The following CAPSL variants were observed in gnomAD, a reference collection of about 807,000 sequenced individuals.
CAPSL encodes the protein calcyphosine like, also known as calcyphosin-like protein.
CAPSL carries 17 observed loss-of-function variants against 21.3 expected under a neutral mutation model. That is an observed-to-expected ratio of 0.80 (90% confidence interval 0.55 to 1.20). CAPSL has a LOEUF of 1.20. CAPSL is among the 50% of genes most tolerant of loss of function. CAPSL has a pLI of 0.00. For missense variants in CAPSL, 289 were observed against 259.3 expected (o/e 1.11, Z -0.79); for synonymous variants, 102 against 89.3 (o/e 1.14, Z -0.80).
chr5:35,908,429 A>C (rs912428983), intron 4 of CAPSL, among the ~76,000 whole-genome samples: 4 of 152,224 alleles, frequency 2.6e-5, no homozygotes, highest in African/African-American at 9.6e-5. Context: ...CTTAAGATAA[A>C]TATCAAAAGG....
chr5:35,906,681 T>A (rs902505378), intron 4 of CAPSL, among the ~76,000 whole-genome samples: 1 of 152,214 alleles, frequency 6.6e-6, no homozygotes, highest in Non-Finnish European at 1.5e-5. Context: ...GATTTCCTAT[T>A]TCTTGCAATT....
In CAPSL at chr5:35,926,750, C is replaced by G. The variant is rs187013309; in HGVS notation, c.1-5630G>C. ...GGGGATCTTATTGCTAAAGAGGCAA[C>G]CCTAGAGATCGTTGATCCAGACACT... is the stretch of plus-strand genomic sequence containing the variant. On this transcript the variant is annotated intron_variant, in intron 1 of 4. Transcript: ENST00000651391. Among the ~76,000 whole-genome samples, 4 of 152,278 alleles carry G rather than the reference C, an allele frequency of 2.6e-5. No homozygotes were observed. In the East Asian group the frequency reaches 7.7e-4, roughly 29 times the overall value.
chr5:35,916,333 C>A (rs370124304), intron 2 of CAPSL, among the ~76,000 whole-genome samples: 8 of 151,898 alleles, frequency 5.3e-5, no homozygotes, highest in Non-Finnish European at 1.2e-4. Flanking sequence ...AAGCTACCAA[C>A]GACTTTCTTC....
intron 2 of CAPSL, among the ~76,000 whole-genome samples, chr5:35,912,762 A>T (rs1279492083): frequency 3.9e-5 from 6 of 152,262 alleles, no homozygotes; most frequent in Non-Finnish European, 7.3e-5. Context: ...GATGGGGAAA[A>T]AACAGAGCAG....
At chr5:35,905,745 CCT>C (rs1760659562) in intron 4 of CAPSL, among the ~76,000 whole-genome samples, 1 of 152,176 alleles carries the variant, frequency 6.6e-6, no homozygotes, top group Admixed American at 6.5e-5. Flanking sequence ...TCATTATTGC[CCT>C]CTTTCTATCT....
At chr5:35,918,115 C>A (rs973744799) in intron 2 of CAPSL, among the ~76,000 whole-genome samples, 1 of 152,128 alleles carries the variant, frequency 6.6e-6, no homozygotes, top group African/African-American at 2.4e-5. Flanking sequence ...GGATATATAC[C>A]TAAAGGATTA....
chr5:35,917,880 TA>T (rs112629190), intron 2 of CAPSL, among the ~76,000 whole-genome samples: 1 of 151,732 alleles, frequency 6.6e-6, no homozygotes, highest in Non-Finnish European at 1.5e-5. Context: ...AATAAAATTT[TA>T]AAAAAAAGCT....
Position 35,904,516 on chromosome 5 carries a change from T to C in CAPSL, c.*29A>G, listed in dbSNP as rs113453568. On this transcript the variant is annotated 3_prime_UTR_variant, in exon 5 of 5. Coordinates refer to ENST00000651391, the MANE Select transcript of CAPSL (RefSeq NM_001042625.2). ...TTAGTCATTTGGAGCCACATGGCTGTCCCAGGGCCTGGTCCCCAGGTCATG... is the reference window on the plus strand; with the variant it reads ...TTAGTCATTTGGAGCCACATGGCTGCCCCAGGGCCTGGTCCCCAGGTCATG... 1,379 of 1,530,026 alleles carry C rather than the reference T, an allele frequency of 9.0e-4. 11 individuals are homozygous for C. In the African/African-American group the frequency reaches 0.016, roughly 17 times the overall value. 94.8% of individuals were successfully genotyped at this position (1,530,026 alleles called of 1,614,324 possible).
rs922447684 is a variant in CAPSL at position 35,932,881 on chromosome 5, A to G, written c.-1+5660T>C. Among the ~76,000 whole-genome samples, 20 of 152,200 alleles carry G rather than the reference A, an allele frequency of 1.3e-4. 1 individual carries two copies. The highest frequency in any genetic ancestry group is 1.3e-3 in the Admixed American group (20 of 15,282). ...AAGGCTCACTTTTCCACGGGCAGTT[A>G]TGAAGGATGCCCTCAGTGCAGGCAA... is the stretch of plus-strand genomic sequence containing the variant. On this transcript the variant is annotated intron_variant, in intron 1 of 4. Coordinates refer to ENST00000651391, the MANE Select transcript of CAPSL (RefSeq NM_001042625.2).
intron 1 of CAPSL, among the ~76,000 whole-genome samples, chr5:35,933,727 A>G (rs1283760863): frequency 6.6e-6 from 1 of 152,222 alleles, no homozygotes; most frequent in Admixed American, 6.5e-5. Context: ...ACTTCCAAAG[A>G]AAGTAAGAAG....
At chr5:35,909,242 G>A (rs925477001) in intron 4 of CAPSL, among the ~76,000 whole-genome samples, 6 of 152,082 alleles carry the variant, frequency 3.9e-5, no homozygotes, top group African/African-American at 7.2e-5. Flanking sequence ...GGAGATGGGC[G>A]GTTGATTTTG....
chr5:35,906,193 C>T (rs1053505640), intron 4 of CAPSL, among the ~76,000 whole-genome samples: 2 of 152,022 alleles, frequency 1.3e-5, no homozygotes, highest in Non-Finnish European at 2.9e-5. Context: ...TATCAAACTC[C>T]CGATATTTTT....
intron 2 of CAPSL, among the ~76,000 whole-genome samples, chr5:35,913,592 G>C (rs992976811): frequency 2.6e-5 from 4 of 152,084 alleles, no homozygotes; most frequent in African/African-American, 9.7e-5. Flanking sequence ...ACAGAATTTC[G>C]TATCCAGCCA....
intron 2 of CAPSL, among the ~76,000 whole-genome samples, chr5:35,915,380 T>A (rs890174607): frequency 1.3e-5 from 2 of 152,172 alleles, no homozygotes; most frequent in African/African-American, 4.8e-5. Flanking sequence ...ATCATCCTGA[T>A]ACCACAGCCG....
rs750689295 is a variant in CAPSL, at chr5:35,910,519, A to C, written c.162T>G (p.Asp54Glu). 6.2e-7 allele frequency: 1 copy of C among 1,608,598 alleles called. No homozygotes were observed. The highest frequency in any genetic ancestry group is 2.2e-5 in the East Asian group (1 of 44,830). The change falls in exon 3 of 5, where the codon GAT becomes GAG. Residue 54 changes from aspartate (D) to glutamate (E), a missense_variant. Physicochemically the swap from Asp to Glu is conservative, Grantham distance 45 (BLOSUM62 2). Coordinates refer to ENST00000651391, the MANE Select transcript of CAPSL (RefSeq NM_001042625.2). ...CTTTAAAATCAAGGGTTCGATTATT[A>C]TCGTCATCCATAATTCTAAACACTC... ...LGRVFRIMDDDNNRTLDFKEF... is the reference protein window; with the variant it reads ...LGRVFRIMDDENNRTLDFKEF...
intron 4 of CAPSL, among the ~76,000 whole-genome samples, chr5:35,906,021 C>T (rs1449623403): frequency 1.2e-4 from 18 of 152,168 alleles, no homozygotes; most frequent in Non-Finnish European, 1.5e-5. Flanking sequence ...CAAAAAGTTG[C>T]AGGCTGGTGA....
chr5:35,923,610 A>C (rs1045104689), intron 1 of CAPSL, among the ~76,000 whole-genome samples: 1 of 152,222 alleles, frequency 6.6e-6, no homozygotes, highest in African/African-American at 2.4e-5. Context: ...ATGTGGACAA[A>C]CCTTGGCCAT....
intron 2 of CAPSL, among the ~76,000 whole-genome samples, chr5:35,912,838 C>T (rs921150868): frequency 6.6e-6 from 1 of 152,150 alleles, no homozygotes. Flanking sequence ...TCCTCACCAG[C>T]AATGGAACAA....
chr5:35,905,166 A>G (rs1247606574), intron 4 of CAPSL, among the ~76,000 whole-genome samples: 1 of 152,162 alleles, frequency 6.6e-6, no homozygotes, highest in Admixed American at 6.6e-5. Context: ...GCCCAGGGTG[A>G]ATAAAAAGCT....
Sources: gnomAD v4.1 joint callset for allele counts (sites outside exome capture counted in the v4.1 genomes callset) on GRCh38, gnomAD v4.1.1 for gene constraint, MANE v1.5 for transcripts, NCBI Gene and HGNC (gene_info 2026-07-23, HGNC 2026-07-21) for gene names.